Variants in HTR1D observed in about 807,000 individuals in gnomAD.
HTR1D encodes the protein 5-hydroxytryptamine receptor 1D.
HTR1D carries 18 observed loss-of-function variants against 21.1 expected under a neutral mutation model. The ratio of observed to expected loss-of-function variants is 0.85; its 90% confidence interval spans 0.59 to 1.27. HTR1D has a LOEUF of 1.27. Ranked by LOEUF, HTR1D falls within the 50% of genes most tolerant of loss-of-function variation. The pLI, the probability that HTR1D is intolerant of heterozygous loss-of-function variation, is 0.00. For synonymous variants in HTR1D, 196 were observed against 204.4 expected (o/e 0.96, Z 0.35); for missense variants, 456 against 481.4 (o/e 0.95, Z 0.49).
Position 23,192,973 on chromosome 1 carries a change from G to T in HTR1D, c.*113C>A. 1.8e-6 allele frequency: 1 copy of T among 545,102 alleles called. No homozygotes were observed. The allele number at this position is 545,102 out of a possible 1,614,324, so 33.8% of individuals were successfully genotyped here. A position where few individuals can be genotyped will look rare whatever the true frequency, so the allele number is the denominator to read the frequency against. On this transcript the variant is annotated 3_prime_UTR_variant, in exon 2 of 2. Transcript: ENST00000374619. Reference sequence around the variant, plus strand: ...AGAACAATTCTGTTGATTGAACCAAGACTCAAGATACCATGAATTAATCCA... The same window carrying T: ...AGAACAATTCTGTTGATTGAACCAATACTCAAGATACCATGAATTAATCCA...
At chr1:23,205,852 T>G (rs1385258286) in intron 1 of HTR1D, among the ~76,000 whole-genome samples, 4 of 152,046 alleles carry the variant, frequency 2.6e-5, no homozygotes, top group Non-Finnish European at 5.9e-5. Flanking sequence ...TCTCCATTCA[T>G]TGAATGACTT....
intron 1 of HTR1D, among the ~76,000 whole-genome samples, chr1:23,216,786 A>G (rs1569771641): frequency 6.6e-6 from 1 of 152,136 alleles, no homozygotes; most frequent in Admixed American, 6.5e-5. Flanking sequence ...AGATGCAGTG[A>G]CCTGCCCAAG....
In HTR1D at chr1:23,193,897, T is replaced by C; in HGVS notation, c.323A>G (p.Gln108Arg). The change falls in exon 2 of 2, where the codon CAA becomes CGA. Residue 108 changes from glutamine to arginine, a missense_variant. Physicochemically the swap from Gln to Arg is conservative, Grantham distance 43. Transcript: ENST00000374619. ...GGACAGCCAGATGTCACACAAGATT[T>C]GGCCAAAGTTCCAGGTGTGGGTGAT... The part of the protein sequence containing the change: ...YTITHTWNFG[Q>R]ILCDIWLSSD... The C allele has an allele frequency of 4.3e-6, 7 of 1,614,242 alleles. No homozygotes were observed. Among genetic ancestry groups the C allele is most frequent in the Non-Finnish European group, 5.9e-6 (7 of 1,180,038 alleles).
rs1240618874 is a variant in HTR1D, at chr1:23,192,730, C to T, written c.*356G>A. 1.8e-5 allele frequency: 3 copies of T among 165,740 alleles called. No homozygotes were observed. The highest frequency in any genetic ancestry group is 3.8e-5 in the Non-Finnish European group (3 of 78,000). 10.3% of individuals were successfully genotyped at this position (165,740 alleles called of 1,614,324 possible). ...TGACACACGTTTGTAGTCCCAGCTA[C>T]TCTGGAGGCTGAGGCAGAATCTCTT... On this transcript the variant is annotated 3_prime_UTR_variant, in exon 2 of 2. Transcript: ENST00000374619.
At position 23,193,955 on chromosome 1, in the gene HTR1D, T is replaced by C; in HGVS notation, c.265A>G (p.Ile89Val). 1 of 1,614,128 alleles carries C rather than the reference T, an allele frequency of 6.2e-7. No individual in the cohort carries two copies. Among genetic ancestry groups the C allele is most frequent in the Non-Finnish European group, 8.5e-7 (1 of 1,180,022 alleles). ...GCGATGCTGATGGGCATTACCAAGA[T>C]GGAAACCAAGAGGTCGGTGGTGGCC... ...SLATTDLLVS[I>V]LVMPISIAYT... is the part of the protein sequence containing the mutation. Residue 89 changes from isoleucine (I) to valine (V), a missense_variant, in exon 2 of 2, where the codon ATC (isoleucine) becomes GTC (valine). Coordinates refer to ENST00000374619, the MANE Select transcript of HTR1D (RefSeq NM_000864.5).
chr1:23,197,223 A>T (rs1016522405), intron 1 of HTR1D, among the ~76,000 whole-genome samples: 2 of 152,084 alleles, frequency 1.3e-5, no homozygotes, highest in African/African-American at 4.8e-5. Context: ...AGGGACAGGG[A>T]CACAGGGACA....
chr1:23,199,794 CT>C (rs1275125419), intron 1 of HTR1D, among the ~76,000 whole-genome samples: 3 of 152,244 alleles, frequency 2.0e-5, no homozygotes, highest in African/African-American at 7.2e-5. Flanking sequence ...CAGCCTCCGC[CT>C]TCCGGGTTCA....
At chr1:23,210,757 GGTGA>G (rs1644750468) in intron 1 of HTR1D, among the ~76,000 whole-genome samples, 1 of 152,046 alleles carries the variant, frequency 6.6e-6, no homozygotes, top group Non-Finnish European at 1.5e-5. Context: ...TTCCACACCA[GGTGA>G]GTAATCCTGG....
At chr1:23,198,235 G>A (rs1356102880) in intron 1 of HTR1D, among the ~76,000 whole-genome samples, 1 of 151,292 alleles carries the variant, frequency 6.6e-6, no homozygotes, top group Non-Finnish European at 1.5e-5. Flanking sequence ...GCACAGTGGT[G>A]GGCGCCTGTA....
chr1:23,216,207 GGAAAA>G (rs1644773000), intron 1 of HTR1D, among the ~76,000 whole-genome samples: 1 of 152,244 alleles, frequency 6.6e-6, no homozygotes, highest in African/African-American at 2.4e-5. Context: ...GGGCTCAACT[GGAAAA>G]CACTGGAAGC....
chr1:23,199,355 A>G (rs991665759), intron 1 of HTR1D, among the ~76,000 whole-genome samples: 1 of 146,086 alleles, frequency 6.8e-6, no homozygotes, highest in African/African-American at 2.5e-5. Flanking sequence ...GACTCAAGCA[A>G]TTCTCCCACC....
At chr1:23,199,040 A>T (rs1315172266) in intron 1 of HTR1D, among the ~76,000 whole-genome samples, 6 of 143,412 alleles carry the variant, frequency 4.2e-5, no homozygotes, top group African/African-American at 1.1e-4. Flanking sequence ...ATTTTTTTTT[A>T]GTAGAGATGG....
chr1:23,198,231 T>G (rs1569756853), intron 1 of HTR1D, among the ~76,000 whole-genome samples: 2 of 148,564 alleles, frequency 1.3e-5, no homozygotes, highest in East Asian at 2.0e-4. Flanking sequence ...CCGGGCACAG[T>G]GGTGGGCGCC....
rs763915391 is a variant in HTR1D at position 23,193,282 on chromosome 1, C to T, written c.938G>A (p.Cys313Tyr). ...LGIILGAFII[C>Y]WLPFFVVSLV... ...AGACACCACGAAGAAGGGCAGCCAG[C>T]AGATGATAAAGGCCCCCAGAATGAT... Residue 313 changes from cysteine (C) to tyrosine (Y), a missense_variant, in exon 2 of 2, where the codon TGC (cysteine) becomes TAC (tyrosine). Transcript: ENST00000374619. The T allele has an allele frequency of 1.9e-6, 3 of 1,614,072 alleles. No homozygotes were observed. The highest frequency in any genetic ancestry group is 3.3e-5 in the Admixed American group (2 of 59,994).
At position 23,193,707 on chromosome 1, in the gene HTR1D, G is replaced by A. The variant is rs372676721; in HGVS notation, c.513C>T (p.Ile171=). Residue 171 remains isoleucine, a synonymous_variant, in exon 2 of 2, where the codon ATC becomes ATT. Transcript: ENST00000374619. ...TGGCCTGCCGCCAGAAGAGCGGGGG[G>A]ATGGAGATGCAGATGGAGATGGCCC... ...IVWAISICIS[I]PPLFWRQAKA... is the part of the protein sequence containing the mutation. 115 of 1,613,954 alleles carry A rather than the reference G, an allele frequency of 7.1e-5. No homozygotes were observed. The highest frequency in any genetic ancestry group is 9.2e-5 in the Non-Finnish European group (108 of 1,180,004).
In HTR1D at chr1:23,194,180, C is replaced by G; in HGVS notation, c.40G>C (p.Glu14Gln). 1 of 1,613,970 alleles carries G rather than the reference C, an allele frequency of 6.2e-7. No individual in the cohort carries two copies. The highest frequency in any genetic ancestry group is 1.1e-5 in the South Asian group (1 of 91,076). ...GCATTCAGGGATCTGTTGGAGGCCT[C>G]CTGGGGAAGGCCTTCTGCTGACTGG... ...LNQSAEGLPQEASNRSLNATE... is the reference protein window; with the variant it reads ...LNQSAEGLPQQASNRSLNATE... The change falls in exon 2 of 2, where the codon GAG becomes CAG. Residue 14 changes from glutamate (E) to glutamine (Q), a missense_variant. Coordinates refer to ENST00000374619, the MANE Select transcript of HTR1D (RefSeq NM_000864.5).
chr1:23,212,718 T>C (rs543927978), intron 1 of HTR1D, among the ~76,000 whole-genome samples: 32 of 152,072 alleles, frequency 2.1e-4, no homozygotes, highest in South Asian at 1.5e-3. Context: ...CTTTGACCCC[T>C]CTCTCTGTAC....
At chr1:23,203,922 A>G (rs1325621452) in intron 1 of HTR1D, among the ~76,000 whole-genome samples, 2 of 152,102 alleles carry the variant, frequency 1.3e-5, no homozygotes, top group Non-Finnish European at 2.9e-5. Flanking sequence ...AGGCAGAAGG[A>G]CTGCTTGAGG....
In HTR1D at chr1:23,209,011, T is replaced by C. The variant is rs1397618829; in HGVS notation, c.-783+8280A>G. Among the ~76,000 whole-genome samples the C allele has an allele frequency of 5.3e-5, 8 of 151,454 alleles. No individual in the cohort carries two copies. In the East Asian group the frequency reaches 1.5e-3, roughly 29 times the overall value. ...TAAAATTTTCACTTTTTTTTTTTTT[T>C]TTTTGAGACAGTCTTGCTCTGTCAC... On this transcript the variant is annotated intron_variant, in intron 1 of 1. Transcript: ENST00000374619.
Sources: allele counts gnomAD v4.1 joint callset (sites outside exome capture counted in the v4.1 genomes callset), GRCh38; gene constraint gnomAD v4.1.1; transcripts MANE v1.5; gene names NCBI Gene and HGNC (gene_info 2026-07-23, HGNC 2026-07-21).